The following ZBTB17 variants were observed in gnomAD, a reference collection of about 807,000 sequenced individuals.
The protein encoded by ZBTB17 is zinc finger and BTB domain-containing protein 17.
In ZBTB17, 24 loss-of-function variants were observed where a neutral mutation model predicts 85.1. The observed-to-expected ratio is 0.28, with a 90% CI of 0.20 to 0.40. ZBTB17 has a LOEUF of 0.40. Ranked by LOEUF, ZBTB17 falls within the 10% of genes least tolerant of loss-of-function variation. The pLI is 1.00. For missense variants in ZBTB17, 743 were observed against 1,105.1 expected (o/e 0.67, Z 4.65); for synonymous variants, 464 against 460.2 (o/e 1.01, Z -0.11).
At chr1:15,950,965 G>A (rs1361889944) in intron 2 of ZBTB17, among the ~76,000 whole-genome samples, 1 of 152,154 alleles carries the variant, frequency 6.6e-6, no homozygotes, top group Non-Finnish European at 1.5e-5. Flanking sequence ...AGATAGATTA[G>A]ATAAGACACA....
chr1:15,974,747 G>C (rs576722266), intron 1 of ZBTB17, among the ~76,000 whole-genome samples: 1 of 152,024 alleles, frequency 6.6e-6, no homozygotes, highest in Non-Finnish European at 1.5e-5. Flanking sequence ...GCTAATTTTT[G>C]TATTTTTAGT....
rs755182822 is a variant in ZBTB17 at position 15,946,251 on chromosome 1, C to A, written c.438G>T (p.Thr146=). The change falls in exon 5 of 16, where the codon ACG becomes ACT. Residue 146 remains threonine (T), a synonymous_variant. Transcript: ENST00000375743. ...GTCCTGCCTGCTCCAGCCTGCTCAG[C>A]GTGCTGGTGGCCACCTTCTCCTCTT... The part of the protein sequence containing the change: ...RAKEEKVATS[T]LSRLEQAGRS... 2.5e-6 allele frequency: 4 copies of A among 1,613,774 alleles called. No homozygotes were observed. The highest frequency in any genetic ancestry group is 3.4e-6 in the Non-Finnish European group (4 of 1,179,974).
chr1:15,949,887 G>A (rs1005821549), intron 2 of ZBTB17, among the ~76,000 whole-genome samples: 3 of 152,182 alleles, frequency 2.0e-5, no homozygotes, highest in African/African-American at 4.8e-5. Context: ...GGGAAGTGAC[G>A]CAACAAATAA....
At chr1:15,943,927 C>T (rs2071468422) in intron 9 of ZBTB17, 32 bp from the exon 10 acceptor site, 2 of 1,559,568 alleles carry the variant, frequency 1.3e-6, no homozygotes, top group African/African-American at 1.4e-5. Flanking sequence ...GGGGGCCACC[C>T]CACAGAGCTC....
chr1:15,948,741 G>A (rs1401612038), intron 2 of ZBTB17, among the ~76,000 whole-genome samples: 1 of 152,154 alleles, frequency 6.6e-6, no homozygotes, highest in Non-Finnish European at 1.5e-5. Context: ...AAAAGCACTG[G>A]GGCACCAACA....
chr1:15,950,533 C>G (rs1024565814), intron 2 of ZBTB17, among the ~76,000 whole-genome samples: 1 of 152,190 alleles, frequency 6.6e-6, no homozygotes, highest in Non-Finnish European at 1.5e-5. Flanking sequence ...GCCCCAAGTG[C>G]AGAAGAGGGG....
At chr1:15,948,764 C>T (rs369280432) in intron 2 of ZBTB17, among the ~76,000 whole-genome samples, 1 of 152,214 alleles carries the variant, frequency 6.6e-6, no homozygotes. Flanking sequence ...AGGCAGCCGC[C>T]TCCGTATTCA....
At chr1:15,960,795 A>T (rs1010946772) in intron 2 of ZBTB17, among the ~76,000 whole-genome samples, 4 of 152,270 alleles carry the variant, frequency 2.6e-5, no homozygotes, top group Admixed American at 2.0e-4. Context: ...AAATGGATGT[A>T]GCTGGACTTC....
chr1:15,945,356 C>G (rs942821913), intron 6 of ZBTB17, among the ~76,000 whole-genome samples, 154 bp from the exon 7 acceptor site: 3 of 152,160 alleles, frequency 2.0e-5, no homozygotes, highest in Non-Finnish European at 4.4e-5. Flanking sequence ...TTGCTGCTTG[C>G]GGGATGCAGG....
intron 2 of ZBTB17, among the ~76,000 whole-genome samples, chr1:15,969,215 T>G (rs1178497199): frequency 6.6e-6 from 1 of 152,156 alleles, no homozygotes; most frequent in Non-Finnish European, 1.5e-5. Flanking sequence ...GTCACTGTCT[T>G]CCATCAACCC....
intron 13 of ZBTB17, 129 bp from the exon 14 acceptor site, chr1:15,942,867 G>A (rs889083016): frequency 1.3e-4 from 175 of 1,333,876 alleles, no homozygotes; most frequent in Admixed American, 2.6e-4. Flanking sequence ...GTGGCTGCAC[G>A]GGTGCCTCTG....
intron 8 of ZBTB17, 36 bp from the exon 9 acceptor site, chr1:15,944,636 C>T (rs762971958): frequency 6.2e-7 from 1 of 1,600,762 alleles, no homozygotes; most frequent in African/African-American, 1.3e-5. Context: ...GCAGGGCTCG[C>T]TGGGGCGTGA....
intron 5 of ZBTB17, 110 bp from the exon 6 acceptor site, chr1:15,945,950 C>A (rs1308363476): frequency 1.0e-5 from 16 of 1,546,150 alleles, no homozygotes; most frequent in African/African-American, 1.4e-5. Flanking sequence ...GGAGGGGAGG[C>A]CCCAGCACAC....
chr1:15,970,970 T>C (rs2072628654), intron 2 of ZBTB17, among the ~76,000 whole-genome samples: 1 of 152,190 alleles, frequency 6.6e-6, no homozygotes, highest in Non-Finnish European at 1.5e-5. Context: ...CTGAAAAGCA[T>C]GTGGCCCTTT....
chr1:15,974,773 A>C (rs2072803151), intron 1 of ZBTB17, among the ~76,000 whole-genome samples: 1 of 151,626 alleles, frequency 6.6e-6, no homozygotes, highest in Non-Finnish European at 1.5e-5. Context: ...CGGGGGTTTC[A>C]CCATATTGGC....
intron 4 of ZBTB17, among the ~76,000 whole-genome samples, chr1:15,946,623 T>C (rs2071622411): frequency 6.6e-6 from 1 of 152,154 alleles, no homozygotes. Context: ...ACCTGGCCCA[T>C]AGTGGGCATC....
Position 15,966,666 on chromosome 1 carries a change from C to A in ZBTB17, c.-3+6373G>T, listed in dbSNP as rs954960446. ...CATTACTGAGGTCAACCTTAATCAC[C>A]CTGGGACTGTCAAACTATTGATGTC... is the stretch of plus-strand genomic sequence containing the variant. On this transcript the variant is annotated intron_variant, in intron 2 of 15. Transcript: ENST00000375743. This position sits in a 1 kb window ranked among gnomAD's most constrained non-coding sequence, Gnocchi z 4.1. 6.6e-6 allele frequency among the ~76,000 whole-genome samples: 1 copy of A among 152,158 alleles called. No homozygotes were observed. The highest frequency in any genetic ancestry group is 1.5e-5 in the Non-Finnish European group (1 of 68,040).
chr1:15,943,113 C>T lies in ZBTB17; in HGVS notation c.1779G>A (p.Lys593=), dbSNP rs2071431398. 1 of 1,614,028 alleles carries T rather than the reference C, an allele frequency of 6.2e-7. No homozygotes were observed. The highest frequency in any genetic ancestry group is 8.5e-7 in the Non-Finnish European group (1 of 1,180,024). The change falls in exon 13 of 16, where the codon AAG becomes AAA. Residue 593 remains lysine, a synonymous_variant. Coordinates refer to ENST00000375743, the MANE Select transcript of ZBTB17 (RefSeq NM_003443.3). The stretch of plus-strand genomic sequence containing the variant: ...ACAGGTCCCCCACGTTCACGAAGGC[C>T]TTGCTGCACACGCTGCACTTGTGTG... ...IRPHKCSVCS[K]AFVNVGDLSK...
intron 2 of ZBTB17, among the ~76,000 whole-genome samples, chr1:15,959,561 G>A (rs1229796038): frequency 7.0e-6 from 1 of 142,456 alleles, no homozygotes; most frequent in African/African-American, 2.7e-5. Context: ...AGGGAGGAAA[G>A]GAGGAAGCAA....
Sources: allele counts gnomAD v4.1 joint callset (sites outside exome capture counted in the v4.1 genomes callset), GRCh38; gene constraint gnomAD v4.1.1; non-coding constraint Gnocchi (gnomAD v3.1); transcripts MANE v1.5; gene names NCBI Gene and HGNC (gene_info 2026-07-23, HGNC 2026-07-21).